The following ATP5PF variants were observed in gnomAD, a reference collection of about 807,000 sequenced individuals.
ATP5PF encodes the protein ATP synthase peripheral stalk subunit F6, also known as ATP synthase peripheral stalk subunit F6, mitochondrial.
Under a neutral mutation model 12.0 loss-of-function variants are expected in ATP5PF, and 7 were observed. That is an observed-to-expected ratio of 0.58 (90% CI 0.33 to 1.10). The LOEUF (loss-of-function observed/expected upper bound fraction) is 1.10. ATP5PF is among the 50% of genes least tolerant of loss of function. The pLI is 0.03. For synonymous variants in ATP5PF, 41 were observed against 45.4 expected (o/e 0.90, Z 0.39); for missense variants, 120 against 127.7 (o/e 0.94, Z 0.29).
At position 25,729,793 on chromosome 21, in the gene ATP5PF, ATGCTGATTC is replaced by A. The variant is rs1237301162; in HGVS notation, c.-7-1_1del. 1.9e-6 allele frequency: 3 copies of A among 1,612,068 alleles called. No homozygotes were observed. The highest frequency in any genetic ancestry group is 2.5e-6 in the Non-Finnish European group (3 of 1,179,598). On this transcript the variant is annotated splice_acceptor_variant and coding_sequence_variant and 5_prime_UTR_variant, in exon 2 of 4. Transcript: ENST00000284971. LOFTEE classifies it high-confidence loss of function. ...GAACCTGAAGAGCCTCTGAAGAATC[ATGCTGATTC>A]TGTTACAGAAAACAAGCAGCAGAAA... is the stretch of plus-strand genomic sequence containing the variant.
At chr21:25,728,471 C>T (rs2034674309) in intron 2 of ATP5PF, among the ~76,000 whole-genome samples, 1 of 152,106 alleles carries the variant, frequency 6.6e-6, no homozygotes, top group African/African-American at 2.4e-5. Context: ...TAGTTCACAC[C>T]ATTCTTTCCT....
chr21:25,735,312 T>G, upstream of ATP5PF: 3 of 292,344 alleles, frequency 1.0e-5, no homozygotes, highest in Non-Finnish European at 1.3e-5. Context: ...TGCTTCCTTG[T>G]ACCTCGTGAG....
At chr21:25,727,964 G>C (rs996584578) in intron 2 of ATP5PF, among the ~76,000 whole-genome samples, 1 of 152,050 alleles carries the variant, frequency 6.6e-6, no homozygotes, top group Non-Finnish European at 1.5e-5. Flanking sequence ...CTCCTCCTCA[G>C]TTTTGGCAAT....
chr21:25,733,847 C>G lies in ATP5PF; in HGVS notation c.-8+1006G>C, dbSNP rs564041127. The stretch of plus-strand genomic sequence containing the variant: ...CACAGTTAATTTGCTCTAAGTCTGA[C>G]TGCATAGATGTTACTCCTTCTGCAA... On this transcript the variant is annotated intron_variant, in intron 1 of 3. Coordinates refer to ENST00000284971, the MANE Select transcript of ATP5PF (RefSeq NM_001003703.2). 1.4e-3 allele frequency among the ~76,000 whole-genome samples: 211 copies of G among 152,314 alleles called. No individual in the cohort carries two copies. The Middle Eastern group carries it at 0.017, about 12-fold the overall frequency.
chr21:25,725,040 T>C lies in ATP5PF; in HGVS notation c.289+186A>G, dbSNP rs11910122. 1.2e-3 allele frequency: 852 copies of C among 733,458 alleles called. 5 individuals carry two copies. The African/African-American group carries it at 0.013, about 11-fold the overall frequency. 45.4% of individuals were successfully genotyped at this position (733,458 alleles called of 1,614,324 possible). On this transcript the variant is annotated intron_variant, in intron 3 of 3. Coordinates refer to ENST00000284971, the MANE Select transcript of ATP5PF (RefSeq NM_001003703.2). The stretch of plus-strand genomic sequence containing the variant: ...GATCCCCACCATTTAATCACTATGT[T>C]ATGTGATCTCCTATACTGCTCTTAT...
At chr21:25,726,491 T>G (rs1397003562) in intron 2 of ATP5PF, among the ~76,000 whole-genome samples, 1 of 152,060 alleles carries the variant, frequency 6.6e-6, no homozygotes, top group Admixed American at 6.6e-5. Flanking sequence ...TTTGAGACCT[T>G]CTAAGATGGA....
intron 3 of ATP5PF, 25 bp downstream of exon 3, chr21:25,725,201 T>G (rs781357398): frequency 1.3e-6 from 2 of 1,591,658 alleles, no homozygotes; most frequent in African/African-American, 1.4e-5. Context: ...CCCACAAGAA[T>G]GAATCTGTGA....
At position 25,734,879 on chromosome 21, in the gene ATP5PF, G is replaced by C; in HGVS notation, c.-34C>G. The C allele has an allele frequency of 1.3e-6, 2 of 1,548,110 alleles. No homozygotes were observed. Among genetic ancestry groups the C allele is most frequent in the Non-Finnish European group, 8.7e-7 (1 of 1,149,692 alleles). On this transcript the variant is annotated 5_prime_UTR_variant, in exon 1 of 4. Transcript: ENST00000284971. ...TTGCACTCAGTCCCGAGCTGCCAAA[G>C]CCTCCGCCGCCACCACCTCCGCTCT...
chr21:25,726,488 C>A (rs909452973), intron 2 of ATP5PF, among the ~76,000 whole-genome samples: 1 of 152,054 alleles, frequency 6.6e-6, no homozygotes, highest in Non-Finnish European at 1.5e-5. Flanking sequence ...TATTTTGAGA[C>A]CTTCTAAGAT....
intron 1 of ATP5PF, among the ~76,000 whole-genome samples, chr21:25,730,756 A>G (rs1476251332): frequency 7.0e-6 from 1 of 143,046 alleles, no homozygotes; most frequent in Admixed American, 6.8e-5. Context: ...AAAAAAAAAA[A>G]AAAAAAAAAA....
chr21:25,727,163 C>T (rs1043525233), intron 2 of ATP5PF, among the ~76,000 whole-genome samples: 16 of 152,264 alleles, frequency 1.1e-4, no homozygotes, highest in South Asian at 2.1e-4. Flanking sequence ...TCATGGATAA[C>T]GGCAACCAAA....
At chr21:25,726,842 T>C (rs1456332297) in intron 2 of ATP5PF, among the ~76,000 whole-genome samples, 1 of 152,208 alleles carries the variant, frequency 6.6e-6, no homozygotes, top group Non-Finnish European at 1.5e-5. Flanking sequence ...GGTAATAACA[T>C]TTTTACACAT....
At chr21:25,725,088 G>GCAGCTTCT (rs2034581002) in intron 3 of ATP5PF, 138 bp downstream of exon 3, 1 of 1,146,006 alleles carries the variant, frequency 8.7e-7, no homozygotes, top group Non-Finnish European at 1.2e-6. Flanking sequence ...CATTTAGCCG[G>GCAGCTTCT]CAGCTTCTCA....
intron 1 of ATP5PF, among the ~76,000 whole-genome samples, chr21:25,730,343 G>C (rs1317629699): frequency 6.6e-6 from 1 of 152,178 alleles, no homozygotes; most frequent in Non-Finnish European, 1.5e-5. Context: ...ACAGCAGCCA[G>C]TCCAAATGAG....
chr21:25,729,609 C>T, intron 2 of ATP5PF, 22 bp downstream of exon 2: 1 of 1,575,360 alleles, frequency 6.3e-7, no homozygotes, highest in African/African-American at 1.4e-5. Flanking sequence ...TATATTTACA[C>T]TGTAGTTATT....
intron 3 of ATP5PF, chr21:25,724,916 T>C: frequency 1.7e-6 from 1 of 583,984 alleles, no homozygotes; most frequent in Non-Finnish European, 2.9e-6. Context: ...ACTATAATTC[T>C]CCCCAAATGT....
chr21:25,725,129 T>G, intron 3 of ATP5PF, 97 bp downstream of exon 3: 3 of 1,471,186 alleles, frequency 2.0e-6, no homozygotes, highest in South Asian at 2.7e-5. Flanking sequence ...TAAATTCACA[T>G]GTCAACACTG....
intron 1 of ATP5PF, among the ~76,000 whole-genome samples, chr21:25,734,080 C>A (rs1169883110): frequency 6.6e-6 from 1 of 152,182 alleles, no homozygotes; most frequent in African/African-American, 2.4e-5. Context: ...CTCCTTTAAT[C>A]CCTTTCATTT....
intron 1 of ATP5PF, among the ~76,000 whole-genome samples, chr21:25,731,530 G>T (rs1376575119): frequency 2.6e-5 from 4 of 151,088 alleles, no homozygotes; most frequent in African/African-American, 9.7e-5. Flanking sequence ...GAGCACAGTT[G>T]TGTGCCATCA....
Sources: gnomAD v4.1 joint callset for allele counts (sites outside exome capture counted in the v4.1 genomes callset) on GRCh38, gnomAD v4.1.1 for gene constraint, MANE v1.5 for transcripts, NCBI Gene and HGNC (gene_info 2026-07-23, HGNC 2026-07-21) for gene names.